The following STX3 variants were observed in gnomAD, a reference collection of about 807,000 sequenced individuals.
The protein encoded by STX3 is syntaxin-3.
STX3 carries 19 observed loss-of-function variants against 40.2 expected under a neutral mutation model. That is an observed-to-expected ratio of 0.47 (90% CI 0.33 to 0.69). The LOEUF (loss-of-function observed/expected upper bound fraction) is 0.69. Among genes scored for constraint, STX3 ranks in the 30% least tolerant of loss-of-function variants. The probability of loss-of-function intolerance (pLI) is 0.02; values close to 1 mark genes in which losing one functional copy is unlikely to be tolerated. For missense variants in STX3, 364 were observed against 366.7 expected, an observed-to-expected ratio of 0.99 and a Z score of 0.06; for synonymous variants, 122 against 132.2, an observed-to-expected ratio of 0.92 and a Z score of 0.53.
At chr11:59,772,179 T>C (rs967455013) in intron 1 of STX3, among the ~76,000 whole-genome samples, 2 of 152,234 alleles carry the variant, frequency 1.3e-5, no homozygotes, top group African/African-American at 4.8e-5. Flanking sequence ...TGATGAAGCT[T>C]GTGAAGAAGC....
chr11:59,778,757 C>CATTTA (rs1409002126), intron 2 of STX3, among the ~76,000 whole-genome samples: 1 of 151,604 alleles, frequency 6.6e-6, no homozygotes, highest in Non-Finnish European at 1.5e-5. Context: ...GCTATCCTAG[C>CATTTA]ATTTAATTTT....
At position 59,804,513 on chromosome 11, in the gene STX3, G is replaced by A. The variant is rs1488117672; in HGVS notation, c.*3689G>A. The A allele has an allele frequency of 6.6e-6, 1 of 152,208 alleles. No individual in the cohort carries two copies. The highest frequency in any genetic ancestry group is 1.5e-5 in the Non-Finnish European group (1 of 68,046). 9.4% of individuals were successfully genotyped at this position (152,208 alleles called of 1,614,324 possible). A position where few individuals can be genotyped will look rare whatever the true frequency, so the allele number is the denominator to read the frequency against. ...TAAGGTACCAATGAGAACGTGGTTT[G>A]TTACTGTCAGAGGCTGTGTAAAGCC... is the stretch of plus-strand genomic sequence containing the variant. On this transcript the variant is annotated 3_prime_UTR_variant, in exon 11 of 11. Transcript: ENST00000337979.
chr11:59,792,305 G>T, intron 6 of STX3, 90 bp downstream of exon 6: 2 of 1,097,714 alleles, frequency 1.8e-6, no homozygotes, highest in Non-Finnish European at 2.7e-6. Flanking sequence ...GAGCAAGCAG[G>T]AAGCACATTT....
chr11:59,785,877 C>T (rs1024077259), intron 2 of STX3, among the ~76,000 whole-genome samples: 81 of 152,322 alleles, frequency 5.3e-4, no homozygotes, highest in African/African-American at 1.5e-3. Flanking sequence ...TCTCTCCTTC[C>T]TGCCCTGCTC....
At chr11:59,755,701 C>T in intron 1 of STX3, 66 bp downstream of exon 1, 3 of 1,490,990 alleles carry the variant, frequency 2.0e-6, no homozygotes, top group Non-Finnish European at 2.7e-6. Context: ...CTTCCCTTTG[C>T]TCCCCAAGTC....
chr11:59,803,404 T>A lies in STX3; in HGVS notation c.*2580T>A. ...TAATCTGGGTGGGATTAGGTGCTAATAATGGTTAGAGAAAACTAAAGAAAG... is the reference window on the plus strand; with the variant it reads ...TAATCTGGGTGGGATTAGGTGCTAAAAATGGTTAGAGAAAACTAAAGAAAG... On this transcript the variant is annotated 3_prime_UTR_variant, in exon 11 of 11. Coordinates refer to ENST00000337979, the MANE Select transcript of STX3 (RefSeq NM_004177.5). 1 of 632,776 alleles carries A rather than the reference T, an allele frequency of 1.6e-6. No individual in the cohort carries two copies. The highest frequency in any genetic ancestry group is 8.3e-5 in the South Asian group (1 of 12,074). The allele number at this position is 632,776 out of a possible 1,614,324, so 39.2% of individuals were successfully genotyped here.
chr11:59,777,740 G>C (rs935043438), intron 2 of STX3, among the ~76,000 whole-genome samples: 6 of 152,180 alleles, frequency 3.9e-5, no homozygotes, highest in African/African-American at 1.4e-4. Context: ...AGTCTGTTCT[G>C]TGATTATCTA....
In STX3 at chr11:59,797,299, T is replaced by G; in HGVS notation, c.803T>G (p.Ile268Ser). 1 of 1,613,744 alleles carries G rather than the reference T, an allele frequency of 6.2e-7. No homozygotes were observed. The highest frequency in any genetic ancestry group is 8.5e-7 in the Non-Finnish European group (1 of 1,179,660). ...SQARKKLIII[I>S]VLVVVLLGIL... is the part of the protein sequence containing the mutation. ...TCTCTCCAGAAATTGATAATTATCATTGTGCTAGTAGTTGTGTTGCTGGGC... is the reference window on the plus strand; with the variant it reads ...TCTCTCCAGAAATTGATAATTATCAGTGTGCTAGTAGTTGTGTTGCTGGGC... Residue 268 changes from isoleucine (I) to serine (S), a missense_variant, in exon 10 of 11, where the codon ATT becomes AGT. Physicochemically the swap from Ile to Ser is moderately radical, Grantham distance 142 (BLOSUM62 -2). Coordinates refer to ENST00000337979, the MANE Select transcript of STX3 (RefSeq NM_004177.5).
intron 1 of STX3, among the ~76,000 whole-genome samples, chr11:59,761,061 T>G (rs1863007407): frequency 6.6e-6 from 1 of 152,198 alleles, no homozygotes; most frequent in Non-Finnish European, 1.5e-5. Context: ...TTTACCTACC[T>G]GAAGTGGAAC....
chr11:59,764,000 A>G (rs1460184199), intron 1 of STX3, among the ~76,000 whole-genome samples: 4 of 151,996 alleles, frequency 2.6e-5, no homozygotes, highest in Non-Finnish European at 4.4e-5. Context: ...CCTGGGCAAC[A>G]AGAGCGAAAC....
rs1282507161 is a variant in STX3, at chr11:59,804,668, T to C, written c.*3844T>C. 1.3e-5 allele frequency: 2 copies of C among 152,202 alleles called. No homozygotes were observed. The highest frequency in any genetic ancestry group is 2.9e-5 in the Non-Finnish European group (2 of 68,032). 9.4% of individuals were successfully genotyped at this position (152,202 alleles called of 1,614,324 possible). A position where few individuals can be genotyped will look rare whatever the true frequency, so the allele number is the denominator to read the frequency against. On this transcript the variant is annotated 3_prime_UTR_variant, in exon 11 of 11. Transcript: ENST00000337979. The stretch of plus-strand genomic sequence containing the variant: ...TGGAGTTCTAGCAACAGCCTCTTAA[T>C]CTGTGGAGAAGATGGCTGGCTCCAG...
At position 59,787,081 on chromosome 11, in the gene STX3, A is replaced by G. The variant is rs199724694; in HGVS notation, c.159A>G (p.Val53=). ...ACATTGACAAGATCTCAGAACATGT[A>G]GAGGAGGCTAAGAAACTCTACAGTA... The part of the protein sequence containing the change: ...RLNIDKISEH[V]EEAKKLYSII... Residue 53 remains valine, a synonymous_variant, in exon 3 of 11, where the codon GTA becomes GTG. Transcript: ENST00000337979. 5 of 1,614,204 alleles carry G rather than the reference A, an allele frequency of 3.1e-6. No individual in the cohort carries two copies. The Admixed American group carries it at 5.0e-5, about 16-fold the overall frequency.
At chr11:59,761,196 C>T (rs1467615806) in intron 1 of STX3, among the ~76,000 whole-genome samples, 1 of 152,108 alleles carries the variant, frequency 6.6e-6, no homozygotes, top group Non-Finnish European at 1.5e-5. Context: ...GGAAGGTTGC[C>T]CCTATTTAGA....
chr11:59,766,139 G>A (rs1863272888), intron 1 of STX3, among the ~76,000 whole-genome samples: 1 of 152,182 alleles, frequency 6.6e-6, no homozygotes, highest in Admixed American at 6.5e-5. Flanking sequence ...TGTCTGCCTG[G>A]GGTCTGGCAC....
chr11:59,792,486 C>G (rs575823313), intron 6 of STX3, among the ~76,000 whole-genome samples: 1 of 152,276 alleles, frequency 6.6e-6, no homozygotes, highest in African/African-American at 2.4e-5. Flanking sequence ...CTCTTGTGGA[C>G]TCATTGTATC....
intron 1 of STX3, among the ~76,000 whole-genome samples, chr11:59,760,663 C>T (rs1385259413): frequency 6.6e-6 from 1 of 152,112 alleles, no homozygotes; most frequent in East Asian, 1.9e-4. Context: ...TTCTCTCAAC[C>T]CTGCAAAGCA....
chr11:59,805,175 C>CTAA lies in STX3; in HGVS notation c.*4352_*4354dup, dbSNP rs1005504911. 1 of 110,770 alleles carries CTAA rather than the reference C, an allele frequency of 9.0e-6. No homozygotes were observed. The highest frequency in any genetic ancestry group is 4.2e-5 in the African/African-American group (1 of 23,724). The allele number at this position is 110,770 out of a possible 1,614,324, so 6.9% of individuals were successfully genotyped here. On this transcript the variant is annotated 3_prime_UTR_variant, in exon 11 of 11. Coordinates refer to ENST00000337979, the MANE Select transcript of STX3 (RefSeq NM_004177.5). ...CTGGGCAACAAGAGCTAAATTCCATCTAAAAAAAAAAAAAAAACAAAAAAA... is the reference window on the plus strand; with the variant it reads ...CTGGGCAACAAGAGCTAAATTCCATCTAATAAAAAAAAAAAAAAAACAAAAAAA...
At chr11:59,800,172 C>T (rs772697200) in intron 10 of STX3, 3 of 985,358 alleles carry the variant, frequency 3.0e-6, no homozygotes, top group Non-Finnish European at 3.6e-6. Context: ...TAGTGTATTC[C>T]ATGTTCCCTA....
chr11:59,791,477 G>C (rs1865155637), intron 5 of STX3, among the ~76,000 whole-genome samples: 1 of 152,146 alleles, frequency 6.6e-6, no homozygotes, highest in Non-Finnish European at 1.5e-5. Flanking sequence ...GAAAGAAGCA[G>C]GAAACTGGAA....
Sources: allele counts gnomAD v4.1 joint callset (sites outside exome capture counted in the v4.1 genomes callset), GRCh38; gene constraint gnomAD v4.1.1; transcripts MANE v1.5; gene names NCBI Gene and HGNC (gene_info 2026-07-23, HGNC 2026-07-21).